SLC6A6: variants seen among roughly 807,000 people sequenced by gnomAD.
SLC6A6 encodes the protein solute carrier family 6 member 6.
Under a neutral mutation model 68.8 loss-of-function variants are expected in SLC6A6, and 16 were observed. The ratio of observed to expected loss-of-function variants is 0.23; its 90% CI spans 0.16 to 0.35. The LOEUF (loss-of-function observed/expected upper bound fraction) is 0.35, where lower values mean the gene tolerates loss of function less well. SLC6A6 is among the 10% of genes least tolerant of loss of function. SLC6A6 has a pLI of 1.00. For missense variants in SLC6A6, 474 were observed against 802.8 expected (o/e 0.59, Z 4.95); for synonymous variants, 312 against 315.4 (o/e 0.99, Z 0.12).
intron 4 of SLC6A6, among the ~76,000 whole-genome samples, chr3:14,446,416 G>T (rs1700121720): frequency 6.6e-6 from 1 of 152,184 alleles, no homozygotes; most frequent in African/African-American, 2.4e-5. Flanking sequence ...CTCCACAAGG[G>T]GCGGGGAGCA....
At chr3:14,447,838 A>AAGG in intron 5 of SLC6A6, 22 bp downstream of exon 5, 1 of 1,613,634 alleles carries the variant, frequency 6.2e-7, no homozygotes, top group Non-Finnish European at 8.5e-7. Context: ...TCATTGAAGC[A>AAGG]AGGAGGAGGA....
intron 7 of SLC6A6, 152 bp from the exon 8 acceptor site, chr3:14,467,701 G>C (rs999742633): frequency 6.8e-5 from 41 of 600,180 alleles, no homozygotes; most frequent in Non-Finnish European, 1.1e-4. Flanking sequence ...GCCTTGAAAG[G>C]CACCTTGGAT....
chr3:14,449,299 G>A (rs1401208587), intron 5 of SLC6A6, among the ~76,000 whole-genome samples: 1 of 152,230 alleles, frequency 6.6e-6, no homozygotes, highest in Non-Finnish European at 1.5e-5. Context: ...CCTCTAGTGT[G>A]TATATTTTCC....
chr3:14,408,129 G>C (rs1178017769), intron 1 of SLC6A6, among the ~76,000 whole-genome samples: 3 of 151,990 alleles, frequency 2.0e-5, no homozygotes, highest in Non-Finnish European at 4.4e-5. Context: ...CCTTTCTCTA[G>C]GACTAGAGCT....
intron 2 of SLC6A6, among the ~76,000 whole-genome samples, chr3:14,433,832 A>T (rs1273757002): frequency 6.8e-6 from 1 of 146,572 alleles, no homozygotes; most frequent in African/African-American, 2.5e-5. Flanking sequence ...AAAAAAAGTC[A>T]TAAGTACCTG....
chr3:14,429,787 A>G (rs1699682316), intron 2 of SLC6A6, among the ~76,000 whole-genome samples: 1 of 152,168 alleles, frequency 6.6e-6, no homozygotes, highest in African/African-American at 2.4e-5. Flanking sequence ...TTGGTCATCC[A>G]CTAGTCCCTC....
At chr3:14,461,602 G>A (rs1200310219) in intron 6 of SLC6A6, among the ~76,000 whole-genome samples, 1 of 152,234 alleles carries the variant, frequency 6.6e-6, no homozygotes, top group South Asian at 2.1e-4. Context: ...GGGGCTCTTC[G>A]CTGTTGGCCT....
At chr3:14,462,665 C>G (rs1193485674) in intron 6 of SLC6A6, among the ~76,000 whole-genome samples, 1 of 151,944 alleles carries the variant, frequency 6.6e-6, no homozygotes, top group African/African-American at 2.4e-5. Context: ...CGCCATTGCA[C>G]TCTAGCATGG....
chr3:14,409,612 G>A (rs1180780312), intron 1 of SLC6A6, among the ~76,000 whole-genome samples: 1 of 152,204 alleles, frequency 6.6e-6, no homozygotes, highest in Non-Finnish European at 1.5e-5. Flanking sequence ...GGGCCAAGAG[G>A]GCAGGGAGGA....
At chr3:14,415,844 G>T (rs995742028) in intron 1 of SLC6A6, among the ~76,000 whole-genome samples, 2 of 152,186 alleles carry the variant, frequency 1.3e-5, no homozygotes, top group African/African-American at 4.8e-5. Context: ...ATCCCCCAAG[G>T]ATCTTCTCTG....
intron 2 of SLC6A6, among the ~76,000 whole-genome samples, chr3:14,417,625 G>T (rs59077406): frequency 2.0e-5 from 3 of 152,058 alleles, no homozygotes; most frequent in Non-Finnish European, 4.4e-5. Flanking sequence ...CCAGCTACTC[G>T]GGAGGCTGAG....
At chr3:14,454,415 GCCCTCAC>G (rs1700324098) in intron 5 of SLC6A6, among the ~76,000 whole-genome samples, 2 of 152,142 alleles carry the variant, frequency 1.3e-5, no homozygotes, top group South Asian at 4.1e-4. Flanking sequence ...TACTGAGCAC[GCCCTCAC>G]TGCTGGGTAG....
chr3:14,409,634 C>T (rs1699194591), intron 1 of SLC6A6, among the ~76,000 whole-genome samples: 1 of 152,204 alleles, frequency 6.6e-6, no homozygotes, highest in African/African-American at 2.4e-5. Context: ...TACACAGCAC[C>T]TGTGCTCAAG....
intron 13 of SLC6A6, among the ~76,000 whole-genome samples, chr3:14,480,647 G>A (rs1185447821): frequency 2.0e-5 from 3 of 152,208 alleles, no homozygotes; most frequent in Non-Finnish European, 4.4e-5. Flanking sequence ...CACCGACTCT[G>A]CTTTAGAAAG....
At position 14,469,561 on chromosome 3, in the gene SLC6A6, A is replaced by G. The variant is rs576702817; in HGVS notation, c.1096+1349A>G. On this transcript the variant is annotated intron_variant, in intron 9 of 14. Coordinates refer to ENST00000622186, the MANE Select transcript of SLC6A6 (RefSeq NM_003043.6). ...TGAGAGCAAGGGCTTTGCTTGGGATAGGTGGGGCTACAACAGGGCTTTCTG... is the reference window on the plus strand; with the variant it reads ...TGAGAGCAAGGGCTTTGCTTGGGATGGGTGGGGCTACAACAGGGCTTTCTG... Among the ~76,000 whole-genome samples the G allele has an allele frequency of 1.1e-4, 16 of 152,326 alleles. No individual in the cohort carries two copies. In the South Asian group the frequency reaches 3.3e-3, roughly 32 times the overall value.
At chr3:14,409,678 G>C (rs7625203) in intron 1 of SLC6A6, among the ~76,000 whole-genome samples, 4 of 152,168 alleles carry the variant, frequency 2.6e-5, no homozygotes, top group African/African-American at 9.7e-5. Context: ...GAGGAGGTTA[G>C]TGAACAGTCT....
At position 14,481,564 on chromosome 3, in the gene SLC6A6, C is replaced by T. The variant is rs1574969674; in HGVS notation, c.1552-107C>T. On this transcript the variant is annotated intron_variant, in intron 13 of 14. Coordinates refer to ENST00000622186, the MANE Select transcript of SLC6A6 (RefSeq NM_003043.6). The surrounding 1 kb of genome is among the most constrained non-coding windows in gnomAD (Gnocchi z 4.7). ...GTGTGAGTTCTGAGCCAGTCCTTTC[C>T]CAAGGAGAGAGACCCTTCCCTCAGG... is the stretch of plus-strand genomic sequence containing the variant. 1 of 748,410 alleles carries T rather than the reference C, an allele frequency of 1.3e-6. No homozygotes were observed. Among genetic ancestry groups the T allele is most frequent in the Non-Finnish European group, 2.3e-6 (1 of 440,996 alleles). 46.4% of individuals were successfully genotyped at this position (748,410 alleles called of 1,614,324 possible). A position where few individuals can be genotyped will look rare whatever the true frequency, so the allele number is the denominator to read the frequency against.
intron 1 of SLC6A6, chr3:14,411,294 C>G (rs1699247398): frequency 6.6e-6 from 1 of 152,386 alleles, no homozygotes; most frequent in South Asian, 2.1e-4. Flanking sequence ...CTGGTTTCTG[C>G]TCCTAGCTAG....
At chr3:14,431,178 G>A (rs1434761554) in intron 2 of SLC6A6, among the ~76,000 whole-genome samples, 1 of 152,214 alleles carries the variant, frequency 6.6e-6, no homozygotes, top group Admixed American at 6.5e-5. Flanking sequence ...GATGTTGGGA[G>A]CACATCCTGG....
Sources: gnomAD v4.1 joint callset for allele counts (sites outside exome capture counted in the v4.1 genomes callset) on GRCh38, gnomAD v4.1.1 for gene constraint, Gnocchi (gnomAD v3.1) non-coding constraint, MANE v1.5 for transcripts, NCBI Gene and HGNC (gene_info 2026-07-23, HGNC 2026-07-21) for gene names.